The following SIAH3 variants were observed in gnomAD, a reference collection of about 807,000 sequenced individuals.
SIAH3 encodes the protein siah E3 ubiquitin protein ligase family member 3, also known as seven in absentia homolog 3.
A neutral mutation model predicts 12.6 loss-of-function variants in SIAH3; 9 were observed. The ratio of observed to expected loss-of-function variants is 0.72; its 90% confidence interval spans 0.43 to 1.25. The LOEUF is 1.25. Ranked by LOEUF, SIAH3 falls within the 50% of genes most tolerant of loss-of-function variation. The probability of loss-of-function intolerance (pLI) is 0.00; values close to 1 mark genes in which losing one functional copy is unlikely to be tolerated. For missense variants in SIAH3, 390 were observed against 365.4 expected (o/e 1.07, Z -0.55); for synonymous variants, 154 against 151.1 (o/e 1.02, Z -0.14).
intron 1 of SIAH3, among the ~76,000 whole-genome samples, chr13:45,837,818 T>A (rs1308194795): frequency 6.6e-6 from 1 of 152,222 alleles, no homozygotes; most frequent in Non-Finnish European, 1.5e-5. Flanking sequence ...CTCATAGATA[T>A]GAATATTAGA....
intron 1 of SIAH3, among the ~76,000 whole-genome samples, chr13:45,839,369 T>C (rs1286613853): frequency 5.3e-5 from 8 of 152,196 alleles, no homozygotes; most frequent in Admixed American, 5.2e-4. Flanking sequence ...TGGCCCAGAT[T>C]TGGAGATCAG....
chr13:45,840,361 C>T (rs73472598), intron 1 of SIAH3, among the ~76,000 whole-genome samples: 4,897 of 152,270 alleles, frequency 0.032, 260 homozygotes, highest in African/African-American at 0.11. Flanking sequence ...CATGTGTAAA[C>T]TGGAAATAGA....
chr13:45,800,217 T>C (rs924700016), intron 1 of SIAH3, among the ~76,000 whole-genome samples: 3 of 152,250 alleles, frequency 2.0e-5, no homozygotes, highest in Non-Finnish European at 4.4e-5. Flanking sequence ...ATTGCACTTG[T>C]AGTCTTGTAA....
chr13:45,805,714 GA>G (rs1300361572), intron 1 of SIAH3, among the ~76,000 whole-genome samples: 2 of 151,982 alleles, frequency 1.3e-5, no homozygotes, highest in Non-Finnish European at 2.9e-5. Flanking sequence ...AACAAAGACA[GA>G]AATTGACAAG....
chr13:45,851,467 G>A, intron 1 of SIAH3, 28 bp downstream of exon 1: 1 of 1,613,530 alleles, frequency 6.2e-7, no homozygotes, highest in Middle Eastern at 1.7e-4. Flanking sequence ...CCTGAGCCCG[G>A]TGAAGGTAAA....
intron 1 of SIAH3, among the ~76,000 whole-genome samples, chr13:45,841,104 C>T (rs1950738399): frequency 6.6e-6 from 1 of 152,174 alleles, no homozygotes; most frequent in Non-Finnish European, 1.5e-5. Flanking sequence ...GTTTAGCTGC[C>T]TTGGCCTAGT....
chr13:45,834,864 A>G (rs1286339851), intron 1 of SIAH3, among the ~76,000 whole-genome samples: 1 of 152,228 alleles, frequency 6.6e-6, no homozygotes, highest in African/African-American at 2.4e-5. Context: ...TCCCTCATCT[A>G]TATAATCATA....
At chr13:45,825,179 C>T (rs541376147) in intron 1 of SIAH3, among the ~76,000 whole-genome samples, 4 of 152,272 alleles carry the variant, frequency 2.6e-5, no homozygotes, top group South Asian at 4.1e-4. Context: ...CTAGGCATCT[C>T]GCATTAATAG....
At chr13:45,848,246 G>A (rs1007344170) in intron 1 of SIAH3, among the ~76,000 whole-genome samples, 1 of 152,170 alleles carries the variant, frequency 6.6e-6, no homozygotes, top group African/African-American at 2.4e-5. Context: ...GAAAGAAGTG[G>A]GGGCACCATT....
intron 1 of SIAH3, among the ~76,000 whole-genome samples, chr13:45,794,930 T>C (rs950429357): frequency 6.7e-6 from 1 of 149,728 alleles, no homozygotes; most frequent in Admixed American, 6.6e-5. Flanking sequence ...CCTTAAGGCC[T>C]TCTAGCAATT....
chr13:45,787,100 C>T (rs963564696), intron 1 of SIAH3, among the ~76,000 whole-genome samples: 3 of 152,014 alleles, frequency 2.0e-5, no homozygotes, highest in African/African-American at 7.3e-5. Flanking sequence ...AACCTACCAG[C>T]AAAGGGAGTC....
chr13:45,779,923 G>A lies in SIAH3; in HGVS notation c.*3460C>T, dbSNP rs1488610270. ...CATTTCGGCGTCAACCATGTATGTA[G>A]GCTCAGCCTCAAGGGGAGGAATGCT... On this transcript the variant is annotated 3_prime_UTR_variant, in exon 2 of 2. Coordinates refer to ENST00000400405, the MANE Select transcript of SIAH3 (RefSeq NM_198849.3). 6.6e-6 allele frequency: 1 copy of A among 152,178 alleles called. No homozygotes were observed. The highest frequency in any genetic ancestry group is 1.5e-5 in the Non-Finnish European group (1 of 68,056). The allele number at this position is 152,178 out of a possible 1,614,324, so 9.4% of individuals were successfully genotyped here.
chr13:45,845,496 C>A (rs183813129), intron 1 of SIAH3, among the ~76,000 whole-genome samples: 11 of 152,224 alleles, frequency 7.2e-5, no homozygotes, highest in African/African-American at 2.4e-4. Flanking sequence ...CATAGTAATA[C>A]GCGTTTATAC....
intron 1 of SIAH3, among the ~76,000 whole-genome samples, chr13:45,851,000 A>G (rs1465206486): frequency 2.2e-5 from 3 of 135,020 alleles, no homozygotes; most frequent in Non-Finnish European, 4.8e-5. Flanking sequence ...TTGCAGAAAG[A>G]ACCCTCCCCC....
intron 1 of SIAH3, among the ~76,000 whole-genome samples, chr13:45,845,963 G>C (rs1463607212): frequency 6.6e-6 from 1 of 151,960 alleles, no homozygotes; most frequent in Non-Finnish European, 1.5e-5. Flanking sequence ...ACAGGAAGGG[G>C]ACCCTTGCAA....
At chr13:45,834,690 G>A (rs912660924) in intron 1 of SIAH3, among the ~76,000 whole-genome samples, 3 of 152,172 alleles carry the variant, frequency 2.0e-5, no homozygotes, top group South Asian at 2.1e-4. Context: ...CCCGCAAACC[G>A]ACCTACTGTG....
intron 1 of SIAH3, among the ~76,000 whole-genome samples, chr13:45,817,549 C>T (rs567495218): frequency 1.3e-5 from 2 of 152,290 alleles, no homozygotes; most frequent in African/African-American, 2.4e-5. Context: ...CCCTACTTGC[C>T]ATCACAAGTG....
intron 1 of SIAH3, among the ~76,000 whole-genome samples, chr13:45,795,981 A>G (rs80148475): frequency 0.022 from 3,358 of 152,346 alleles, 123 homozygotes; most frequent in African/African-American, 0.076. Flanking sequence ...AGAAGAGTAC[A>G]TGTTTAAGAA....
chr13:45,784,037 G>A lies in SIAH3; in HGVS notation c.156C>T (p.Ala52=), dbSNP rs746575025. The part of the protein sequence containing the change: ...HNLKYVSSRR[A]VTQSAPEQGS... ...CTTGCTCTGGAGCGCTCTGAGTGAC[G>A]GCGCGCCGACTGGACACATACTGTA... The change falls in exon 2 of 2, where the codon GCC becomes GCT. Residue 52 remains alanine (A), a synonymous_variant. Transcript: ENST00000400405. 12 of 1,593,538 alleles carry A rather than the reference G, an allele frequency of 7.5e-6. No individual in the cohort carries two copies. Among genetic ancestry groups the A allele is most frequent in the Middle Eastern group, 1.7e-4 (1 of 5,948 alleles).
Sources: gnomAD v4.1 joint callset for allele counts (sites outside exome capture counted in the v4.1 genomes callset) on GRCh38, gnomAD v4.1.1 for gene constraint, MANE v1.5 for transcripts, NCBI Gene and HGNC (gene_info 2026-07-23, HGNC 2026-07-21) for gene names.